MSL2: variants seen among roughly 807,000 people sequenced by gnomAD.
MSL2 encodes the protein MSL complex subunit 2, also known as E3 ubiquitin-protein ligase MSL2.
Under a neutral mutation model 35.8 loss-of-function variants are expected in MSL2, and 2 were observed. That is an observed-to-expected ratio of 0.06 (90% CI 0.02 to 0.18). MSL2 has a LOEUF of 0.18. Ranked by LOEUF, MSL2 falls within the 10% of genes least tolerant of loss-of-function variation. The pLI, the probability that MSL2 is intolerant of heterozygous loss-of-function variation, is 1.00. For synonymous variants in MSL2, 296 were observed against 255.7 expected, an observed-to-expected ratio of 1.16 and a Z score of -1.50; for missense variants, 523 against 706.7, an observed-to-expected ratio of 0.74 and a Z score of 2.95.
chr3:136,191,510 T>C (rs1940689859), intron 1 of MSL2, among the ~76,000 whole-genome samples: 1 of 149,386 alleles, frequency 6.7e-6, no homozygotes, highest in Non-Finnish European at 1.5e-5. Context: ...GGAGCCACAG[T>C]GGCTTACACC....
rs1362320220 is a variant in MSL2 at position 136,184,762 on chromosome 3, G to GA, written c.142+10209_142+10210insT. On this transcript the variant is annotated intron_variant, in intron 1 of 1. Coordinates refer to ENST00000309993, the MANE Select transcript of MSL2 (RefSeq NM_018133.4). ...TAAAAAAAAAAAAAGGGGGGGGGGG[G>GA]GACAAAGGTCACGTGTGACCAAGGA... is the stretch of plus-strand genomic sequence containing the variant. 2.7e-5 allele frequency among the ~76,000 whole-genome samples: 3 copies of GA among 111,426 alleles called. 1 individual carries two copies. Among genetic ancestry groups the GA allele is most frequent in the African/African-American group, 1.1e-4 (3 of 28,348 alleles). The allele number at this position is 111,426 out of a possible 152,430, so 73.1% of individuals were successfully genotyped here.
chr3:136,187,559 A>G (rs78494777), intron 1 of MSL2, among the ~76,000 whole-genome samples: 17,448 of 151,598 alleles, frequency 0.12, 1,610 homozygotes, highest in African/African-American at 0.26. Flanking sequence ...AGTCCCAGCT[A>G]CTCTAGGAGG....
At chr3:136,157,251 G>GGCCGATCACCTGAGGTCAGGAAGGCA (rs1939558480) in intron 1 of MSL2, among the ~76,000 whole-genome samples, 1 of 151,990 alleles carries the variant, frequency 6.6e-6, no homozygotes, top group African/African-American at 2.4e-5. Flanking sequence ...TCAGGAAGGC[G>GGCCGATCACCTGAGGTCAGGAAGGCA]GGCCGATCAC....
chr3:136,176,054 A>G (rs1940164213), intron 1 of MSL2, among the ~76,000 whole-genome samples: 1 of 152,142 alleles, frequency 6.6e-6, no homozygotes, highest in Admixed American at 6.5e-5. Context: ...CAAGGAAATA[A>G]TCTCTGGATT....
At chr3:136,194,300 GTTAA>G (rs1434826988) in intron 1 of MSL2, 1 of 517,462 alleles carries the variant, frequency 1.9e-6, no homozygotes, top group Non-Finnish European at 2.5e-6. Flanking sequence ...CCCACCACGA[GTTAA>G]TTTTTTTTAA....
chr3:136,153,191 G>T, intron 1 of MSL2: 1 of 391,392 alleles, frequency 2.6e-6, no homozygotes, highest in Non-Finnish European at 3.5e-6. Flanking sequence ...CTATGATCTT[G>T]CCACTGCACT....
At chr3:136,171,728 G>A (rs989449354) in intron 1 of MSL2, among the ~76,000 whole-genome samples, 1 of 152,024 alleles carries the variant, frequency 6.6e-6, no homozygotes, top group Non-Finnish European at 1.5e-5. Context: ...AAATATCTAG[G>A]TTCTTTTCAC....
intron 1 of MSL2, among the ~76,000 whole-genome samples, chr3:136,164,425 T>C (rs892394751): frequency 1.3e-5 from 2 of 152,216 alleles, no homozygotes; most frequent in African/African-American, 4.8e-5. Flanking sequence ...ACCACAAATA[T>C]CTGAAACTTA....
rs947964670 is a variant in MSL2 at position 136,160,527 on chromosome 3, C to G, written c.143-7789G>C. Among the ~76,000 whole-genome samples, 4 of 151,070 alleles carry G rather than the reference C, an allele frequency of 2.6e-5. No homozygotes were observed. In the East Asian group the frequency reaches 5.9e-4, roughly 22 times the overall value. On this transcript the variant is annotated intron_variant, in intron 1 of 1. Coordinates refer to ENST00000309993, the MANE Select transcript of MSL2 (RefSeq NM_018133.4). Reference sequence around the variant, plus strand: ...GAGTTCGAGACCAGCCTGGCCAACACAGTAAAACCCCATCTCCACTAAAAA... The same window carrying G: ...GAGTTCGAGACCAGCCTGGCCAACAGAGTAAAACCCCATCTCCACTAAAAA...
At chr3:136,184,078 G>C (rs985591870) in intron 1 of MSL2, among the ~76,000 whole-genome samples, 1 of 150,874 alleles carries the variant, frequency 6.6e-6, no homozygotes, top group Admixed American at 6.6e-5. Context: ...GGCGGATCAC[G>C]AAGTCAGGAG....
intron 1 of MSL2, among the ~76,000 whole-genome samples, chr3:136,173,946 G>A (rs1051723041): frequency 3.3e-5 from 5 of 152,114 alleles, no homozygotes; most frequent in Non-Finnish European, 7.4e-5. Flanking sequence ...ATGATTTGCT[G>A]TTCCTAGAAT....
chr3:136,169,050 A>T (rs917319874), intron 1 of MSL2, among the ~76,000 whole-genome samples: 1 of 152,116 alleles, frequency 6.6e-6, no homozygotes, highest in African/African-American at 2.4e-5. Context: ...TGGTAACTTA[A>T]GCAATGACAA....
rs1018449408 is a variant in MSL2 at position 136,149,264 on chromosome 3, T to C, written c.*1883A>G. On this transcript the variant is annotated 3_prime_UTR_variant, in exon 2 of 2. Transcript: ENST00000309993. The stretch of plus-strand genomic sequence containing the variant: ...TGTACAATCTCATTTCTAATCATTT[T>C]TGCAGTGATCATTAGTGAATAAAGA... 1 of 152,608 alleles carries C rather than the reference T, an allele frequency of 6.6e-6. No homozygotes were observed. Among genetic ancestry groups the C allele is most frequent in the African/African-American group, 2.4e-5 (1 of 41,466 alleles). 9.5% of individuals were successfully genotyped at this position (152,608 alleles called of 1,614,324 possible).
Position 136,152,817 on chromosome 3 carries a change from A to C in MSL2, c.143-79T>G, listed in dbSNP as rs911725019. On this transcript the variant is annotated intron_variant, in intron 1 of 1. Transcript: ENST00000309993. ...CATAAACTGAAGTTTAGATGACATA[A>C]GTAGTCTATCAAAATTGAGATGAAT... 2.6e-6 allele frequency: 4 copies of C among 1,521,682 alleles called. No individual in the cohort carries two copies. The African/African-American group carries it at 5.6e-5, about 21-fold the overall frequency. 94.3% of individuals were successfully genotyped at this position (1,521,682 alleles called of 1,614,324 possible). A position where few individuals can be genotyped will look rare whatever the true frequency, so the allele number is the denominator to read the frequency against.
intron 1 of MSL2, among the ~76,000 whole-genome samples, chr3:136,160,810 C>T (rs888545067): frequency 1.3e-5 from 2 of 151,988 alleles, no homozygotes; most frequent in African/African-American, 2.4e-5. Context: ...AATGACCAGC[C>T]GGGCACAGTG....
chr3:136,149,726 CAT>C lies in MSL2; in HGVS notation c.*1419_*1420del, dbSNP rs1177632354. 2 of 152,184 alleles carry C rather than the reference CAT, an allele frequency of 1.3e-5. No homozygotes were observed. Among genetic ancestry groups the C allele is most frequent in the African/African-American group, 4.8e-5 (2 of 41,448 alleles). The allele number at this position is 152,184 out of a possible 1,614,324, so 9.4% of individuals were successfully genotyped here. A position where few individuals can be genotyped will look rare whatever the true frequency, so the allele number is the denominator to read the frequency against. ...GCTCTGTGTCCAAAGGTTTCTTCTC[CAT>C]GTCTTGTACTAGGCGAGTAACCATC... is the stretch of plus-strand genomic sequence containing the variant. On this transcript the variant is annotated 3_prime_UTR_variant, in exon 2 of 2. Coordinates refer to ENST00000309993, the MANE Select transcript of MSL2 (RefSeq NM_018133.4).
intron 1 of MSL2, among the ~76,000 whole-genome samples, chr3:136,166,664 T>G (rs1461379269): frequency 6.6e-6 from 1 of 152,150 alleles, no homozygotes; most frequent in Admixed American, 6.6e-5. Flanking sequence ...CAGTGTAAAT[T>G]TGAAGCAGCA....
chr3:136,186,493 G>A (rs1337972038), intron 1 of MSL2, among the ~76,000 whole-genome samples: 2 of 152,216 alleles, frequency 1.3e-5, no homozygotes, highest in Non-Finnish European at 2.9e-5. Flanking sequence ...GGTCCAGCAA[G>A]CAAAGCTTCA....
intron 1 of MSL2, among the ~76,000 whole-genome samples, chr3:136,159,354 CTTTTTTTTTTTTTTTTTT>C (rs71157361): frequency 1.4e-5 from 1 of 70,054 alleles, no homozygotes; most frequent in Non-Finnish European, 2.8e-5. Context: ...AGAGTACTTT[CTTTTTTTTTTTTTTTTTT>C]TTTTTTTTTG....
Sources: gnomAD v4.1 joint callset for allele counts (sites outside exome capture counted in the v4.1 genomes callset) on GRCh38, gnomAD v4.1.1 for gene constraint, MANE v1.5 for transcripts, NCBI Gene and HGNC (gene_info 2026-07-23, HGNC 2026-07-21) for gene names.